Variants in BBS1 observed in about 807,000 individuals in gnomAD.
BBS1 encodes BBSome complex member BBS1.
A neutral mutation model predicts 73.9 loss-of-function variants in BBS1; 60 were observed. The ratio of observed to expected loss-of-function variants is 0.81; its 90% CI spans 0.66 to 1.01. The LOEUF is 1.01. Ranked by LOEUF, BBS1 falls within the 50% of genes least tolerant of loss-of-function variation. BBS1 has a pLI of 0.00. For synonymous variants in BBS1, 283 were observed against 317.4 expected, an observed-to-expected ratio of 0.89 and a Z score of 1.15; for missense variants, 718 against 770.3, an observed-to-expected ratio of 0.93 and a Z score of 0.80.
At position 66,514,606 on chromosome 11, in the gene BBS1, C is replaced by T. The variant is rs373756451; in HGVS notation, c.360C>T (p.Pro120=). 2.5e-4 allele frequency: 396 copies of T among 1,613,806 alleles called. No homozygotes were observed. The highest frequency in any genetic ancestry group is 3.2e-4 in the Non-Finnish European group (378 of 1,180,046). The change falls in exon 4 of 17, where the codon CCC becomes CCT. Residue 120 remains proline (P), a synonymous_variant. Coordinates refer to ENST00000318312, the MANE Select transcript of BBS1 (RefSeq NM_024649.5). ...PCVYVYKNLR[P]YFKFSLPQLP... ...TCTATGTGTATAAGAATCTCAGACC[C>T]TACTTCAAGTTCAGCCTGCCCCAAT... is the stretch of plus-strand genomic sequence containing the variant.
Position 66,511,092 on chromosome 11 carries a change from G to T in BBS1, c.124+3G>T. 1 of 1,614,180 alleles carries T rather than the reference G, an allele frequency of 6.2e-7. No individual in the cohort carries two copies. On this transcript the variant is annotated splice_donor_region_variant and intron_variant, in intron 2 of 16. Transcript: ENST00000318312. Reference sequence around the variant, plus strand: ...CCACACCTTTTCTGCCTGCCTAGGTGAGTCTCTGGAACCAGGAACCCTGGG... The same window carrying T: ...CCACACCTTTTCTGCCTGCCTAGGTTAGTCTCTGGAACCAGGAACCCTGGG...
Position 66,510,718 on chromosome 11 carries a change from G to T in BBS1, c.47+12G>T. On this transcript the variant is annotated intron_variant, in intron 1 of 16. Transcript: ENST00000318312. ...TGCGGAGCTGAGAGGTGAAGGCAGG[G>T]CTCCTCAAGGCCTCTTTTCCCACCC... The T allele has an allele frequency of 6.2e-7, 1 of 1,614,084 alleles. No homozygotes were observed.
intron 15 of BBS1, 72 bp from the exon 16 acceptor site, chr11:66,531,584 C>A (rs1856782563): frequency 6.3e-7 from 1 of 1,596,400 alleles, no homozygotes; most frequent in Non-Finnish European, 8.6e-7. Context: ...AGACTGCGGG[C>A]CTGAATGCAC....
chr11:66,531,635 C>T (rs781531464), intron 15 of BBS1, 21 bp from the exon 16 acceptor site: 2 of 1,613,910 alleles, frequency 1.2e-6, no homozygotes, highest in Non-Finnish European at 8.5e-7. Flanking sequence ...GGTTTCCTTA[C>T]TTCTTTGTCC....
Position 66,511,262 on chromosome 11 carries a change from G to A in BBS1, c.159+23G>A, listed in dbSNP as rs369563296. On this transcript the variant is annotated intron_variant, in intron 3 of 16. Transcript: ENST00000318312. The stretch of plus-strand genomic sequence containing the variant: ...AAGGTAAGCATATCACCCTAGCCAG[G>A]AGAGTTGAGGGTAGGGGGGTGTACC... 6.0e-5 allele frequency: 97 copies of A among 1,613,896 alleles called. No individual in the cohort carries two copies. Among genetic ancestry groups the A allele is most frequent in the Admixed American group, 3.7e-4 (22 of 59,992 alleles).
Position 66,516,045 on chromosome 11 carries a change from T to C in BBS1, c.591+112T>C. 4 of 1,037,302 alleles carry C rather than the reference T, an allele frequency of 3.9e-6. No individual in the cohort carries two copies. The Admixed American group carries it at 5.7e-5, about 15-fold the overall frequency. 64.3% of individuals were successfully genotyped at this position (1,037,302 alleles called of 1,614,324 possible). ...GCAAACCCAACCAGTATCTCTTTGC[T>C]ATATCCCTTCCAGCCATGCCATGTG... On this transcript the variant is annotated intron_variant, in intron 7 of 16. Transcript: ENST00000318312.
rs147282025 is a variant in BBS1, at chr11:66,522,762, C to T, written c.831-694C>T. 1.8e-3 allele frequency: 417 copies of T among 237,260 alleles called. 5 individuals carry two copies. Among genetic ancestry groups the T allele is most frequent in the Admixed American group, 0.016 (313 of 19,120 alleles). The allele number at this position is 237,260 out of a possible 1,614,324, so 14.7% of individuals were successfully genotyped here. ...ATAAATATGGTCCCTGTCCTCATGG[C>T]GAAGACAGATGTATTAAAGTGAAGA... On this transcript the variant is annotated intron_variant, in intron 9 of 16. Transcript: ENST00000318312.
chr11:66,511,434 A>G (rs1015056555), intron 3 of BBS1, among the ~76,000 whole-genome samples, 195 bp downstream of exon 3: 6 of 152,240 alleles, frequency 3.9e-5, no homozygotes, highest in African/African-American at 1.4e-4. Flanking sequence ...GACTGCAGAA[A>G]GTAAAGCAGA....
chr11:66,519,491 T>A, intron 7 of BBS1, 126 bp from the exon 8 acceptor site: 2 of 1,347,304 alleles, frequency 1.5e-6, no homozygotes, highest in Non-Finnish European at 2.1e-6. Flanking sequence ...TTAAATCTTC[T>A]GTCACATCTC....
intron 7 of BBS1, among the ~76,000 whole-genome samples, chr11:66,517,991 C>T (rs1342711402): frequency 1.4e-5 from 2 of 139,764 alleles, no homozygotes; most frequent in African/African-American, 5.3e-5. Context: ...GAGTTTTGCT[C>T]TTGTTGCCCA....
rs773271740 is a variant in BBS1, at chr11:66,514,408, G to C, written c.162G>C (p.Leu54=). Residue 54 remains leucine (L), a splice_region_variant and synonymous_variant, in exon 4 of 17, where the codon CTG becomes CTC. Coordinates refer to ENST00000318312, the MANE Select transcript of BBS1 (RefSeq NM_024649.5). The part of the protein sequence containing the change: ...ADLHGDGEYK[L]VVGDLGPGGQ... ...AATGAGCCATCCTCTCCCTGCAGCTGGTGGTAGGGGACCTTGGCCCTGGTG... is the reference window on the plus strand; with the variant it reads ...AATGAGCCATCCTCTCCCTGCAGCTCGTGGTAGGGGACCTTGGCCCTGGTG... 2 of 1,613,988 alleles carry C rather than the reference G, an allele frequency of 1.2e-6. No homozygotes were observed. The highest frequency in any genetic ancestry group is 1.7e-6 in the Non-Finnish European group (2 of 1,180,044).
chr11:66,531,211 C>A (rs1006168916), intron 15 of BBS1, among the ~76,000 whole-genome samples, 183 bp downstream of exon 15: 4 of 152,184 alleles, frequency 2.6e-5, no homozygotes, highest in Non-Finnish European at 4.4e-5. Context: ...GAGGGAGCCC[C>A]AAGCCCTGCC....
Position 66,533,238 on chromosome 11 carries a change from GTCTT to G in BBS1, c.*1205_*1208del, listed in dbSNP as rs1177579954. 1.3e-5 allele frequency: 2 copies of G among 152,188 alleles called. No homozygotes were observed. The highest frequency in any genetic ancestry group is 6.5e-5 in the Admixed American group (1 of 15,272). 9.4% of individuals were successfully genotyped at this position (152,188 alleles called of 1,614,324 possible). A position where few individuals can be genotyped will look rare whatever the true frequency, so the allele number is the denominator to read the frequency against. The stretch of plus-strand genomic sequence containing the variant: ...AACATTAAGGACAAGGAGAATTGGT[GTCTT>G]TCTAAAACATACTTATTTAAAAACA... On this transcript the variant is annotated 3_prime_UTR_variant, in exon 17 of 17. Coordinates refer to ENST00000318312, the MANE Select transcript of BBS1 (RefSeq NM_024649.5).
At position 66,515,598 on chromosome 11, in the gene BBS1, C is replaced by T. The variant is rs750735728; in HGVS notation, c.479+12C>T. 1.2e-6 allele frequency: 2 copies of T among 1,614,006 alleles called. No homozygotes were observed. The highest frequency in any genetic ancestry group is 1.6e-4 in the Middle Eastern group (1 of 6,084). ...CTGGAGAGCATCCGGTGAGAGGCTGCCTTCCCCTTCATACCCCCCTCACTC... is the reference window on the plus strand; with the variant it reads ...CTGGAGAGCATCCGGTGAGAGGCTGTCTTCCCCTTCATACCCCCCTCACTC... On this transcript the variant is annotated intron_variant, in intron 5 of 16. Transcript: ENST00000318312.
Position 66,510,711 on chromosome 11 carries a change from AGGC to A in BBS1, c.47+6_47+8del. 1 of 1,614,138 alleles carries A rather than the reference AGGC, an allele frequency of 6.2e-7. No homozygotes were observed. Among genetic ancestry groups the A allele is most frequent in the African/African-American group, 1.3e-5 (1 of 75,058 alleles). ...CGACGCCTGCGGAGCTGAGAGGTGA[AGGC>A]AGGGCTCCTCAAGGCCTCTTTTCCC... is the stretch of plus-strand genomic sequence containing the variant. On this transcript the variant is annotated splice_donor_region_variant and intron_variant, in intron 1 of 16. Transcript: ENST00000318312.
intron 15 of BBS1, 63 bp from the exon 16 acceptor site, chr11:66,531,591 GCA>G: frequency 6.2e-7 from 1 of 1,605,722 alleles, no homozygotes; most frequent in Non-Finnish European, 8.5e-7. Context: ...GGGCCTGAAT[GCA>G]CTGGAATATG....
intron 8 of BBS1, 28 bp from the exon 9 acceptor site, chr11:66,521,242 T>G: frequency 6.4e-7 from 1 of 1,565,828 alleles, no homozygotes; most frequent in Non-Finnish European, 8.8e-7. Flanking sequence ...TCCAGAGAAA[T>G]TGGAGTGTTT....
chr11:66,517,217 A>AC, intron 7 of BBS1, among the ~76,000 whole-genome samples: 2 of 150,760 alleles, frequency 1.3e-5, no homozygotes, highest in South Asian at 4.2e-4. Context: ...AAACCAAAAA[A>AC]CAAAAAAAAA....
chr11:66,529,136 C>T (rs1173011277), intron 13 of BBS1: 6 of 978,116 alleles, frequency 6.1e-6, no homozygotes, highest in South Asian at 9.5e-5. Flanking sequence ...AACGGAAGAG[C>T]GAAGCCAGCC....
Sources: allele counts gnomAD v4.1 joint callset (sites outside exome capture counted in the v4.1 genomes callset), GRCh38; gene constraint gnomAD v4.1.1; transcripts MANE v1.5; gene names NCBI Gene and HGNC (gene_info 2026-07-23, HGNC 2026-07-21).